Variants in ZDHHC14 observed in about 807,000 individuals in gnomAD.
ZDHHC14 encodes the protein palmitoyltransferase ZDHHC14.
In ZDHHC14, 16 loss-of-function variants were observed where a neutral mutation model predicts 47.7. The ratio of observed to expected loss-of-function variants is 0.34; its 90% CI spans 0.23 to 0.51. The LOEUF is 0.51. Ranked by LOEUF, ZDHHC14 falls within the 20% of genes least tolerant of loss-of-function variation. The probability of loss-of-function intolerance (pLI) is 0.97; values close to 1 mark genes in which losing one functional copy is unlikely to be tolerated. For synonymous variants in ZDHHC14, 293 were observed against 278.9 expected (o/e 1.05, Z -0.50); for missense variants, 515 against 662.5 (o/e 0.78, Z 2.44).
At chr6:157,544,890 T>C (rs902243819) in intron 2 of ZDHHC14, among the ~76,000 whole-genome samples, 35 of 152,332 alleles carry the variant, frequency 2.3e-4, no homozygotes, top group African/African-American at 7.7e-4. Flanking sequence ...ACTCCACTCC[T>C]AGATATGTCC....
chr6:157,479,047 C>G lies in ZDHHC14; in HGVS notation c.246-63538C>G, dbSNP rs113174889. 2.4e-3 allele frequency among the ~76,000 whole-genome samples: 363 copies of G among 152,298 alleles called. 1 individual carries two copies. The highest frequency in any genetic ancestry group is 8.1e-3 in the African/African-American group (336 of 41,572). On this transcript the variant is annotated intron_variant, in intron 1 of 8. Transcript: ENST00000359775. ...CTGTGTTGGGCTGGAGATCTCTCCT[C>G]CCTGTAATCCTCACTATCACCCACC... is the stretch of plus-strand genomic sequence containing the variant.
At chr6:157,557,216 A>G (rs1356239772) in intron 2 of ZDHHC14, among the ~76,000 whole-genome samples, 1 of 152,210 alleles carries the variant, frequency 6.6e-6, no homozygotes, top group Non-Finnish European at 1.5e-5. Context: ...ACGCTGTAGC[A>G]GGAGAGGAGG....
At chr6:157,603,805 G>A (rs1223232677) in intron 3 of ZDHHC14, among the ~76,000 whole-genome samples, 4 of 152,176 alleles carry the variant, frequency 2.6e-5, no homozygotes, top group African/African-American at 7.2e-5. Context: ...CTTACTGGCC[G>A]CCATGGCCTA....
chr6:157,660,494 C>T (rs1445208994), intron 8 of ZDHHC14, among the ~76,000 whole-genome samples: 3 of 152,140 alleles, frequency 2.0e-5, no homozygotes, highest in African/African-American at 4.8e-5. Flanking sequence ...CGCCTGGCCC[C>T]GGATGGTTTC....
chr6:157,448,460 A>T (rs1161327823), intron 1 of ZDHHC14, among the ~76,000 whole-genome samples: 1 of 152,192 alleles, frequency 6.6e-6, no homozygotes. Flanking sequence ...CTCAACAATT[A>T]ATATTTTTTC....
intron 1 of ZDHHC14, among the ~76,000 whole-genome samples, chr6:157,391,613 G>A (rs1457109164): frequency 1.3e-5 from 2 of 152,142 alleles, no homozygotes; most frequent in Non-Finnish European, 2.9e-5. Context: ...CCATTAATGT[G>A]GGTTAAAAAT....
intron 1 of ZDHHC14, among the ~76,000 whole-genome samples, chr6:157,531,444 G>C (rs1346391351): frequency 1.3e-5 from 2 of 152,040 alleles, no homozygotes; most frequent in African/African-American, 4.8e-5. Flanking sequence ...CTTCCTCTCT[G>C]CAGGTCTCAC....
intron 1 of ZDHHC14, among the ~76,000 whole-genome samples, chr6:157,531,140 A>C (rs1451975133): frequency 1.3e-5 from 2 of 152,244 alleles, no homozygotes; most frequent in Middle Eastern, 3.4e-3. Context: ...ATCGCTTTGC[A>C]GTTCGCCACC....
intron 1 of ZDHHC14, among the ~76,000 whole-genome samples, chr6:157,461,136 G>A (rs1174259077): frequency 6.6e-6 from 1 of 152,094 alleles, no homozygotes; most frequent in Non-Finnish European, 1.5e-5. Flanking sequence ...AAAAACACAC[G>A]TCCTCCAGGG....
intron 1 of ZDHHC14, among the ~76,000 whole-genome samples, chr6:157,542,240 A>T (rs951677319): frequency 3.9e-5 from 6 of 152,170 alleles, no homozygotes. Flanking sequence ...AGACTCCCGA[A>T]CCGTGTTTAC....
intron 1 of ZDHHC14, among the ~76,000 whole-genome samples, chr6:157,453,915 T>A (rs1440082168): frequency 3.3e-5 from 5 of 152,156 alleles, no homozygotes; most frequent in African/African-American, 9.7e-5. Flanking sequence ...GCCTCCTGAT[T>A]AATTGGCAGC....
At chr6:157,645,699 G>C (rs142485093) in intron 5 of ZDHHC14, 38 bp from the exon 6 acceptor site, 25 of 1,559,724 alleles carry the variant, frequency 1.6e-5, no homozygotes, top group Non-Finnish European at 2.1e-5. Flanking sequence ...CTTCTTGCGC[G>C]GTCCCTCACT....
intron 1 of ZDHHC14, among the ~76,000 whole-genome samples, chr6:157,426,192 G>A (rs1225244806): frequency 6.6e-6 from 1 of 152,126 alleles, no homozygotes; most frequent in East Asian, 1.9e-4. Flanking sequence ...GGGCAGGAGG[G>A]ATCTGGCACA....
At chr6:157,668,160 G>A (rs76335183) in intron 8 of ZDHHC14, among the ~76,000 whole-genome samples, 7,482 of 152,222 alleles carry the variant, frequency 0.049, 631 homozygotes, top group African/African-American at 0.17. Context: ...GCCCCCTGCT[G>A]TCATCCCAGC....
chr6:157,396,977 T>C (rs1226281410), intron 1 of ZDHHC14, among the ~76,000 whole-genome samples: 2 of 152,230 alleles, frequency 1.3e-5, no homozygotes, highest in African/African-American at 4.8e-5. Flanking sequence ...CTTATTTCTA[T>C]CTAAGTTCTC....
intron 1 of ZDHHC14, among the ~76,000 whole-genome samples, chr6:157,434,174 T>C (rs549690470): frequency 6.6e-6 from 1 of 151,550 alleles, no homozygotes; most frequent in South Asian, 2.1e-4. Flanking sequence ...ACCTAACATA[T>C]TAATTGCTGA....
chr6:157,670,448 C>T (rs1778745893), intron 8 of ZDHHC14, among the ~76,000 whole-genome samples: 1 of 152,156 alleles, frequency 6.6e-6, no homozygotes, highest in Admixed American at 6.5e-5. Context: ...TGTGTGCCAC[C>T]ATGCCCAGCT....
At chr6:157,534,104 A>T (rs1324586029) in intron 1 of ZDHHC14, among the ~76,000 whole-genome samples, 5 of 152,190 alleles carry the variant, frequency 3.3e-5, no homozygotes, top group African/African-American at 7.2e-5. Context: ...GGGAGGCAGA[A>T]TGGACACCCT....
intron 1 of ZDHHC14, among the ~76,000 whole-genome samples, chr6:157,430,559 C>A (rs577692171): frequency 2.6e-5 from 4 of 152,294 alleles, no homozygotes; most frequent in African/African-American, 9.6e-5. Flanking sequence ...TCTCACACTG[C>A]CATCTCTCTG....
Sources: allele counts gnomAD v4.1 joint callset (sites outside exome capture counted in the v4.1 genomes callset), GRCh38; gene constraint gnomAD v4.1.1; transcripts MANE v1.5; gene names NCBI Gene and HGNC (gene_info 2026-07-23, HGNC 2026-07-21).